Variants in DDX19A observed in about 807,000 individuals in gnomAD.
DDX19A encodes ATP-dependent RNA helicase DDX19A.
Under a neutral mutation model 60.6 loss-of-function variants are expected in DDX19A, and 12 were observed. That is an observed-to-expected ratio of 0.20 (90% CI 0.13 to 0.32). The LOEUF is 0.32. Among genes scored for constraint, DDX19A ranks in the 10% least tolerant of loss-of-function variants. The pLI is 1.00. For synonymous variants in DDX19A, 206 were observed against 218.2 expected, an observed-to-expected ratio of 0.94 and a Z score of 0.49; for missense variants, 337 against 600.6, an observed-to-expected ratio of 0.56 and a Z score of 4.59.
At chr16:70,360,035 C>G (rs1964321672) in intron 4 of DDX19A, among the ~76,000 whole-genome samples, 1 of 151,872 alleles carries the variant, frequency 6.6e-6, no homozygotes, top group Admixed American at 6.6e-5. Flanking sequence ...AATCCTAGCA[C>G]TTTGGGAGGC....
chr16:70,370,612 C>A, intron 10 of DDX19A: 1 of 610,302 alleles, frequency 1.6e-6, no homozygotes, highest in Non-Finnish European at 2.5e-6. Context: ...AGGAAAATTG[C>A]TTGAACCCTG....
chr16:70,360,806 C>T (rs932421138), intron 4 of DDX19A: 2 of 152,654 alleles, frequency 1.3e-5, no homozygotes, highest in African/African-American at 2.4e-5. Context: ...GGTTGGAGTG[C>T]AGTGGCTCAG....
chr16:70,364,817 CT>C, intron 6 of DDX19A, 172 bp downstream of exon 6: 2 of 675,162 alleles, frequency 3.0e-6, no homozygotes, highest in Non-Finnish European at 5.1e-6. Context: ...AAGCAGCAGC[CT>C]TAGACCATGG....
intron 5 of DDX19A, among the ~76,000 whole-genome samples, chr16:70,361,962 G>T (rs933455628): frequency 5.3e-5 from 8 of 151,768 alleles, no homozygotes; most frequent in Non-Finnish European, 1.0e-4. Context: ...CCTGAGCTCA[G>T]TAATTCGAGA....
intron 5 of DDX19A, among the ~76,000 whole-genome samples, chr16:70,363,139 A>G (rs527828888): frequency 2.0e-5 from 3 of 151,702 alleles, no homozygotes; most frequent in Non-Finnish European, 4.4e-5. Flanking sequence ...GGCATGTGTT[A>G]CTGCACCTGG....
chr16:70,353,623 G>A (rs962840146), intron 2 of DDX19A, among the ~76,000 whole-genome samples: 1 of 151,994 alleles, frequency 6.6e-6, no homozygotes, highest in African/African-American at 2.4e-5. Flanking sequence ...ATTGGTGGCC[G>A]GGCACAGCGG....
At position 70,365,104 on chromosome 16, in the gene DDX19A, C is replaced by G; in HGVS notation, c.577C>G (p.Leu193Val). The G allele has an allele frequency of 6.2e-7, 1 of 1,613,880 alleles. No individual in the cohort carries two copies. The highest frequency in any genetic ancestry group is 8.5e-7 in the Non-Finnish European group (1 of 1,179,770). ...QMGKFYPELK[L>V]AYAVRGNKLE... ...GGGCAAATTTTACCCAGAACTGAAG[C>G]TTGCCTATGCCGTTCGAGGCAATAA... is the stretch of plus-strand genomic sequence containing the variant. The change falls in exon 7 of 12, where the codon CTT becomes GTT. Residue 193 changes from leucine (L) to valine (V), a missense_variant. Physicochemically the swap from Leu to Val is conservative, Grantham distance 32. Transcript: ENST00000302243.
In DDX19A at chr16:70,371,440, G is replaced by A. The variant is rs904718872; in HGVS notation, c.1252G>A (p.Asp418Asn). The A allele has an allele frequency of 6.2e-7, 1 of 1,612,974 alleles. No homozygotes were observed. Among genetic ancestry groups the A allele is most frequent in the Non-Finnish European group, 8.5e-7 (1 of 1,179,694 alleles). Reference sequence around the variant, plus strand: ...TCCCGTGGACAAGGACGGGAATCCTGACAATGAGACCTACCTGCACCGGAT... The same window carrying A: ...TCCCGTGGACAAGGACGGGAATCCTAACAATGAGACCTACCTGCACCGGAT... ...DLPVDKDGNP[D>N]NETYLHRIGR... Residue 418 changes from aspartate (D) to asparagine (N), a missense_variant, in exon 11 of 12, where the codon GAC becomes AAC. Physicochemically the swap from Asp to Asn is conservative, Grantham distance 23 (BLOSUM62 1). Coordinates refer to ENST00000302243, the MANE Select transcript of DDX19A (RefSeq NM_018332.5).
intron 5 of DDX19A, 144 bp downstream of exon 5, chr16:70,361,654 C>T (rs1964367052): frequency 3.4e-5 from 21 of 609,666 alleles, no homozygotes; most frequent in South Asian, 6.2e-5. Context: ...CAGAGAGAAT[C>T]GGATGGAGTT....
In DDX19A at chr16:70,347,011, C is replaced by T; in HGVS notation, c.20C>T (p.Ala7Val). Residue 7 changes from alanine (A) to valine (V), a missense_variant, in exon 1 of 12, where the codon GCC (alanine) becomes GTC (valine). Transcript: ENST00000302243. MATDSW[A>V]LAVDEQEAAV... is the part of the protein sequence containing the mutation. ...GGGACTATGGCCACCGACTCGTGGG[C>T]CCTGGCGGTGGACGAGCAGGAAGCG... is the stretch of plus-strand genomic sequence containing the variant. The T allele has an allele frequency of 6.2e-7, 1 of 1,612,750 alleles. No individual in the cohort carries two copies. The highest frequency in any genetic ancestry group is 8.5e-7 in the Non-Finnish European group (1 of 1,179,802).
chr16:70,370,764 G>A (rs1964659404), intron 10 of DDX19A: 1 of 190,744 alleles, frequency 5.2e-6, no homozygotes. Flanking sequence ...GGGAGGCCGA[G>A]GTGGGCGAAT....
In DDX19A at chr16:70,366,813, T is replaced by C; in HGVS notation, c.972T>C (p.Cys324=). The change falls in exon 9 of 12, where the codon TGT becomes TGC. Residue 324 remains cysteine, a synonymous_variant. Transcript: ENST00000302243. Reference sequence around the variant, plus strand: ...GAGACGAGAAGTTCCAGGCCTTGTGTAACCTCTACGGGGCCATCACCATTG... The same window carrying C: ...GAGACGAGAAGTTCCAGGCCTTGTGCAACCTCTACGGGGCCATCACCATTG... ...SSRDEKFQAL[C]NLYGAITIAQ... The C allele has an allele frequency of 1.2e-6, 2 of 1,614,078 alleles. No individual in the cohort carries two copies. The highest frequency in any genetic ancestry group is 1.7e-6 in the Non-Finnish European group (2 of 1,179,952).
chr16:70,371,241 T>G (rs1023374762), intron 10 of DDX19A, 131 bp from the exon 11 acceptor site: 40 of 1,522,086 alleles, frequency 2.6e-5, no homozygotes, highest in Non-Finnish European at 3.1e-5. Context: ...CCCTCTCTTG[T>G]ACCCAGAGTT....
chr16:70,352,530 G>A (rs955096914), intron 2 of DDX19A, among the ~76,000 whole-genome samples: 6 of 151,530 alleles, frequency 4.0e-5, no homozygotes, highest in South Asian at 4.2e-4. Context: ...TGATCTGCCC[G>A]CCTCGGCCTC....
At chr16:70,364,060 A>C (rs1283018461) in intron 5 of DDX19A, 1 of 153,452 alleles carries the variant, frequency 6.5e-6, no homozygotes. Flanking sequence ...CATGCCACCT[A>C]TTCCCATGAT....
chr16:70,355,672 C>T (rs575000892), intron 3 of DDX19A, 137 bp downstream of exon 3: 418 of 723,750 alleles, frequency 5.8e-4, no homozygotes, highest in Non-Finnish European at 8.2e-4. Context: ...AGGAGGAGAA[C>T]AAAACAAGTC....
chr16:70,349,568 G>C (rs143587827), intron 1 of DDX19A, among the ~76,000 whole-genome samples: 1 of 152,110 alleles, frequency 6.6e-6, no homozygotes, highest in African/African-American at 2.4e-5. Flanking sequence ...TCTTCTGCCC[G>C]GTAGCCATCA....
In DDX19A at chr16:70,352,041, A is replaced by C. The variant is rs577209833; in HGVS notation, c.106+1436A>C. ...GTACTGGTTAGGACTTGAATATATG[A>C]GTTTGAGGTCAGCGGGCCACACACA... On this transcript the variant is annotated intron_variant, in intron 2 of 11. Coordinates refer to ENST00000302243, the MANE Select transcript of DDX19A (RefSeq NM_018332.5). Among the ~76,000 whole-genome samples, 70 of 152,214 alleles carry C rather than the reference A, an allele frequency of 4.6e-4. No individual in the cohort carries two copies. The South Asian group carries it at 5.6e-3, about 12-fold the overall frequency.
intron 9 of DDX19A, among the ~76,000 whole-genome samples, chr16:70,367,815 T>G (rs1964563284): frequency 6.6e-6 from 1 of 151,000 alleles, no homozygotes; most frequent in African/African-American, 2.4e-5. Flanking sequence ...AGGCGGAGAT[T>G]GCAGTGAGCT....
Sources: gnomAD v4.1 joint callset for allele counts (sites outside exome capture counted in the v4.1 genomes callset) on GRCh38, gnomAD v4.1.1 for gene constraint, MANE v1.5 for transcripts, NCBI Gene and HGNC (gene_info 2026-07-23, HGNC 2026-07-21) for gene names.